The following CACNG5 variants were observed in gnomAD, a reference collection of about 807,000 sequenced individuals.
CACNG5 encodes the protein calcium voltage-gated channel auxiliary subunit gamma 5, also known as voltage-dependent calcium channel gamma-5 subunit.
A neutral mutation model predicts 24.8 loss-of-function variants in CACNG5; 18 were observed. The observed-to-expected ratio is 0.73, with a 90% CI of 0.50 to 1.08. The LOEUF (loss-of-function observed/expected upper bound fraction) is 1.08. CACNG5 is among the 50% of genes least tolerant of loss of function. The pLI is 0.00. For missense variants in CACNG5, 349 were observed against 367.9 expected (o/e 0.95, Z 0.42); for synonymous variants, 157 against 149.1 (o/e 1.05, Z -0.39).
chr17:66,867,563 G>A (rs1976948140), intron 1 of CACNG5, among the ~76,000 whole-genome samples: 1 of 152,076 alleles, frequency 6.6e-6, no homozygotes, highest in East Asian at 1.9e-4. Flanking sequence ...TGTCCTGAAT[G>A]GTATTGGCTA....
chr17:66,874,267 G>A (rs1324870176), intron 1 of CACNG5, among the ~76,000 whole-genome samples: 1 of 152,132 alleles, frequency 6.6e-6, no homozygotes, highest in Non-Finnish European at 1.5e-5. Flanking sequence ...ATGTACTTTG[G>A]TGTTTATTAT....
chr17:66,884,873 C>T (rs777099716), intron 5 of CACNG5, 110 bp from the exon 6 acceptor site: 2 of 1,613,472 alleles, frequency 1.2e-6, no homozygotes, highest in South Asian at 1.1e-5. Context: ...TGCTCCTGTC[C>T]CCACGTCCAC....
At chr17:66,884,824 C>A (rs758556869) in intron 5 of CACNG5, 159 bp from the exon 6 acceptor site, 85 of 1,613,202 alleles carry the variant, frequency 5.3e-5, no homozygotes, top group South Asian at 1.1e-5. Flanking sequence ...ACTGTCTTAC[C>A]TTTCTGGGTC....
intron 1 of CACNG5, among the ~76,000 whole-genome samples, chr17:66,854,892 T>C (rs1976750986): frequency 6.6e-6 from 1 of 151,268 alleles, no homozygotes; most frequent in Non-Finnish European, 1.5e-5. Flanking sequence ...AAGAGAAAAA[T>C]AGCCAAACAT....
At chr17:66,859,850 C>T (rs12603915) in intron 1 of CACNG5, among the ~76,000 whole-genome samples, 7,952 of 152,054 alleles carry the variant, frequency 0.052, 253 homozygotes, top group East Asian at 0.13. Context: ...CCCTTCCCCT[C>T]TTCTCTCCCT....
At position 66,890,931 on chromosome 17, in the gene CACNG5, T is replaced by TAA; in HGVS notation, c.*5692_*5693dup. On this transcript the variant is annotated 3_prime_UTR_variant, in exon 6 of 6. Coordinates refer to ENST00000533854, the MANE Select transcript of CACNG5 (RefSeq NM_145811.3). ...CACTCCAAAGAATGTGGAATTTAGC[T>TAA]AAGAGATCAGATACTTGCAGCACCC... Among the ~76,000 whole-genome samples, 1 of 152,154 alleles carries TAA rather than the reference T, an allele frequency of 6.6e-6. No individual in the cohort carries two copies. The highest frequency in any genetic ancestry group is 1.9e-4 in the East Asian group (1 of 5,196).
At chr17:66,852,873 CTT>C (rs1206773103) in intron 1 of CACNG5, among the ~76,000 whole-genome samples, 1 of 145,736 alleles carries the variant, frequency 6.9e-6, no homozygotes, top group Admixed American at 6.8e-5. Context: ...CTTCCTCTCT[CTT>C]TCTCTCTCTT....
chr17:66,851,203 G>A (rs554484398), intron 1 of CACNG5, among the ~76,000 whole-genome samples: 2 of 152,252 alleles, frequency 1.3e-5, no homozygotes, highest in East Asian at 3.9e-4. Flanking sequence ...CTGCCCACAG[G>A]TACAGAATCT....
At chr17:66,864,085 C>T (rs1208761490) in intron 1 of CACNG5, among the ~76,000 whole-genome samples, 4 of 152,126 alleles carry the variant, frequency 2.6e-5, no homozygotes, top group African/African-American at 7.2e-5. Flanking sequence ...TTCACTTTTG[C>T]TGTTAGAATC....
chr17:66,871,787 G>A (rs554745998), intron 1 of CACNG5, among the ~76,000 whole-genome samples: 2 of 150,922 alleles, frequency 1.3e-5, no homozygotes, highest in African/African-American at 4.9e-5. Flanking sequence ...GTGCACCTGG[G>A]AGGCGGAGCT....
chr17:66,869,920 A>G (rs1049322886), intron 1 of CACNG5, among the ~76,000 whole-genome samples: 1 of 151,990 alleles, frequency 6.6e-6, no homozygotes, highest in Non-Finnish European at 1.5e-5. Flanking sequence ...CGTCTCTACT[A>G]AAAATACAAA....
At chr17:66,849,963 T>G (rs1403170181) in intron 1 of CACNG5, among the ~76,000 whole-genome samples, 2 of 151,448 alleles carry the variant, frequency 1.3e-5, no homozygotes, top group Non-Finnish European at 1.5e-5. Flanking sequence ...ATTAAATAAT[T>G]AAGGAAGAAG....
intron 1 of CACNG5, among the ~76,000 whole-genome samples, chr17:66,868,899 G>A (rs1383953787): frequency 6.6e-6 from 1 of 152,144 alleles, no homozygotes; most frequent in Non-Finnish European, 1.5e-5. Flanking sequence ...GGAGACAGGA[G>A]GGCTGAAATT....
rs1445257300 is a variant in CACNG5, at chr17:66,894,560, C to G, written c.*9320C>G. Among the ~76,000 whole-genome samples the G allele has an allele frequency of 1.3e-5, 2 of 152,032 alleles. No homozygotes were observed. Among genetic ancestry groups the G allele is most frequent in the East Asian group, 1.9e-4 (1 of 5,192 alleles). ...ACCCTCTCCAGTTCATGATGTGCAG[C>G]CATTATTGGTTCACATAAGGCCTGG... On this transcript the variant is annotated 3_prime_UTR_variant, in exon 6 of 6. Coordinates refer to ENST00000533854, the MANE Select transcript of CACNG5 (RefSeq NM_145811.3).
chr17:66,850,380 G>C (rs548451954), intron 1 of CACNG5, among the ~76,000 whole-genome samples: 20 of 152,206 alleles, frequency 1.3e-4, no homozygotes, highest in Non-Finnish European at 2.8e-4. Context: ...GTTAAATAAT[G>C]AAACAAAAAT....
intron 1 of CACNG5, among the ~76,000 whole-genome samples, chr17:66,854,557 G>A (rs1186282170): frequency 6.6e-6 from 1 of 151,892 alleles, no homozygotes; most frequent in African/African-American, 2.4e-5. Context: ...AGCCAGGCAT[G>A]GTGGTGGGCG....
At chr17:66,875,962 T>C (rs1196177110) in intron 1 of CACNG5, among the ~76,000 whole-genome samples, 2 of 152,206 alleles carry the variant, frequency 1.3e-5, no homozygotes, top group Non-Finnish European at 2.9e-5. Flanking sequence ...ATCCTGGGCT[T>C]TCCCCATCAT....
rs1226129995 is a variant in CACNG5, at chr17:66,890,082, G to T, written c.*4842G>T. On this transcript the variant is annotated 3_prime_UTR_variant, in exon 6 of 6. Coordinates refer to ENST00000533854, the MANE Select transcript of CACNG5 (RefSeq NM_145811.3). The stretch of plus-strand genomic sequence containing the variant: ...CACACTCAGTGAACCACTTTCATAT[G>T]CTCGTGTGACACTTGGAAGTTAACC... 6.6e-6 allele frequency among the ~76,000 whole-genome samples: 1 copy of T among 152,194 alleles called. No individual in the cohort carries two copies. The highest frequency in any genetic ancestry group is 1.5e-5 in the Non-Finnish European group (1 of 68,032).
intron 2 of CACNG5, among the ~76,000 whole-genome samples, chr17:66,878,695 A>G (rs1032894255): frequency 6.6e-6 from 1 of 152,106 alleles, no homozygotes; most frequent in Non-Finnish European, 1.5e-5. Context: ...CAGCATGGAG[A>G]GTTTGCAATA....
Sources: allele counts gnomAD v4.1 joint callset (sites outside exome capture counted in the v4.1 genomes callset), GRCh38; gene constraint gnomAD v4.1.1; transcripts MANE v1.5; gene names NCBI Gene and HGNC (gene_info 2026-07-23, HGNC 2026-07-21).